The following PDE4D variants were observed in gnomAD, a reference collection of about 807,000 sequenced individuals.
PDE4D encodes the protein 3',5'-cyclic-AMP phosphodiesterase 4D.
A neutral mutation model predicts 87.4 loss-of-function variants in PDE4D; 24 were observed. That is an observed-to-expected ratio of 0.27 (90% CI 0.20 to 0.39). PDE4D has a LOEUF of 0.39. Among genes scored for constraint, PDE4D ranks in the 10% least tolerant of loss-of-function variants. PDE4D has a pLI of 1.00. For synonymous variants in PDE4D, 384 were observed against 383.2 expected, an observed-to-expected ratio of 1.00 and a Z score of -0.02; for missense variants, 714 against 1,041.0, an observed-to-expected ratio of 0.69 and a Z score of 4.32.
chr5:59,258,423 A>G (rs1029867848), intron 1 of PDE4D, among the ~76,000 whole-genome samples: 17 of 151,984 alleles, frequency 1.1e-4, no homozygotes, highest in Non-Finnish European at 7.4e-5. Context: ...GGGAGGCACC[A>G]TTGCATCTCC....
At chr5:60,422,907 A>T (rs9885184) in intron 1 of PDE4D, among the ~76,000 whole-genome samples, 7,049 of 152,326 alleles carry the variant, frequency 0.046, 214 homozygotes, top group Non-Finnish European at 0.07. Context: ...GGTCTCTGAC[A>T]AAACAGACTT....
At chr5:59,895,147 A>C (rs1751495755), upstream of PDE4D, among the ~76,000 whole-genome samples, 1 of 152,240 alleles carries the variant, frequency 6.6e-6, no homozygotes, top group African/African-American at 2.4e-5. Context: ...TACCAGAATC[A>C]GGAACCATGT....
intron 1 of PDE4D, among the ~76,000 whole-genome samples, chr5:59,283,548 C>G (rs530910394): frequency 2.0e-5 from 3 of 152,214 alleles, no homozygotes; most frequent in Non-Finnish European, 4.4e-5. Flanking sequence ...ATCTGCTATT[C>G]AGCTTTGCCC....
At chr5:59,821,252 A>T (rs1351733427) in intron 1 of PDE4D, among the ~76,000 whole-genome samples, 2 of 151,652 alleles carry the variant, frequency 1.3e-5, no homozygotes, top group African/African-American at 2.4e-5. Context: ...AACAACAACA[A>T]CAACAACAAC....
intron 1 of PDE4D, among the ~76,000 whole-genome samples, chr5:59,305,941 T>G (rs1771253292): frequency 6.6e-6 from 1 of 152,202 alleles, no homozygotes; most frequent in African/African-American, 2.4e-5. Flanking sequence ...ATTGTTTCTT[T>G]GTTGACTTTT....
At position 59,554,073 on chromosome 5, in the gene PDE4D, C is replaced by T. The variant is rs7707469; in HGVS notation, c.456-338105G>A. 7.6e-3 allele frequency among the ~76,000 whole-genome samples: 1,149 copies of T among 152,164 alleles called. 14 individuals are homozygous for T. The highest frequency in any genetic ancestry group is 0.026 in the African/African-American group (1,098 of 41,512). The stretch of plus-strand genomic sequence containing the variant: ...AGGAGGGCTGATGTGGTTTATAGCT[C>T]CCATATGCCAGGCCCCAGGATGGAT... On this transcript the variant is annotated intron_variant, in intron 1 of 14. Transcript: ENST00000340635.
chr5:60,031,382 G>C (rs1416757726), intron 2 of PDE4D, among the ~76,000 whole-genome samples: 1 of 152,144 alleles, frequency 6.6e-6, no homozygotes, highest in East Asian at 1.9e-4. Context: ...TCAGTTCCCA[G>C]AACATCCTGC....
chr5:59,491,462 A>G (rs1806166502), intron 1 of PDE4D, among the ~76,000 whole-genome samples: 1 of 152,182 alleles, frequency 6.6e-6, no homozygotes, highest in Non-Finnish European at 1.5e-5. Context: ...GTCAGTGGTG[A>G]TTGATACAAT....
intron 1 of PDE4D, among the ~76,000 whole-genome samples, chr5:59,308,189 C>T (rs1446868906): frequency 7.5e-6 from 1 of 133,012 alleles, no homozygotes; most frequent in African/African-American, 2.8e-5. Flanking sequence ...GGAAGGGGAA[C>T]ATCACACTCT....
At chr5:58,976,286 C>A in intron 13 of PDE4D, 64 bp downstream of exon 13, 1 of 1,517,856 alleles carries the variant, frequency 6.6e-7, no homozygotes, top group Non-Finnish European at 8.9e-7. Context: ...CAAAGCTGAA[C>A]ACGCAGACAT....
chr5:59,051,082 A>T (rs1761473385), intron 5 of PDE4D, among the ~76,000 whole-genome samples: 1 of 152,240 alleles, frequency 6.6e-6, no homozygotes, highest in Non-Finnish European at 1.5e-5. Flanking sequence ...GATTTAGAAT[A>T]GCTTTTAGAC....
chr5:60,196,359 C>T (rs1225989792), intron 1 of PDE4D, among the ~76,000 whole-genome samples: 1 of 151,736 alleles, frequency 6.6e-6, no homozygotes, highest in African/African-American at 2.4e-5. Context: ...GGGACCTTCT[C>T]ATTAATATTG....
intron 1 of PDE4D, among the ~76,000 whole-genome samples, chr5:59,658,080 A>G (rs1195256287): frequency 6.6e-6 from 1 of 152,126 alleles, no homozygotes; most frequent in Non-Finnish European, 1.5e-5. Flanking sequence ...AAGCTTAATA[A>G]ACGCATATTA....
chr5:59,251,362 G>A (rs1300248853), intron 1 of PDE4D, among the ~76,000 whole-genome samples: 1 of 151,986 alleles, frequency 6.6e-6, no homozygotes, highest in African/African-American at 2.4e-5. Flanking sequence ...TTAAAAGGTG[G>A]GCAAAAGACA....
At chr5:59,500,842 C>A (rs976612491) in intron 1 of PDE4D, among the ~76,000 whole-genome samples, 1 of 152,304 alleles carries the variant, frequency 6.6e-6, no homozygotes. Flanking sequence ...TGGTACAGTT[C>A]ATAAACTCTA....
chr5:59,148,658 C>G (rs568753492), intron 5 of PDE4D, among the ~76,000 whole-genome samples: 1 of 151,788 alleles, frequency 6.6e-6, no homozygotes, highest in Admixed American at 6.6e-5. Flanking sequence ...AAATCCATTA[C>G]CAATGAAAAC....
At chr5:59,938,417 G>C (rs1200430896) in intron 3 of PDE4D, among the ~76,000 whole-genome samples, 1 of 152,158 alleles carries the variant, frequency 6.6e-6, no homozygotes, top group African/African-American at 2.4e-5. Context: ...GCTCTTTCTG[G>C]ACTGCATATC....
intron 1 of PDE4D, among the ~76,000 whole-genome samples, chr5:59,366,266 T>C (rs1470140777): frequency 6.6e-6 from 1 of 152,032 alleles, no homozygotes. Flanking sequence ...TGTTTTCTTC[T>C]GGAGTCTATT....
intron 1 of PDE4D, among the ~76,000 whole-genome samples, chr5:59,450,677 C>T (rs1413526863): frequency 1.3e-5 from 2 of 152,158 alleles, no homozygotes; most frequent in East Asian, 3.8e-4. Flanking sequence ...AGATGATATT[C>T]CTACTCAAAG....
Sources: allele counts gnomAD v4.1 joint callset (sites outside exome capture counted in the v4.1 genomes callset), GRCh38; gene constraint gnomAD v4.1.1; transcripts MANE v1.5; gene names NCBI Gene and HGNC (gene_info 2026-07-23, HGNC 2026-07-21).